STPG2: variants seen among roughly 807,000 people sequenced by gnomAD.
The protein encoded by STPG2 is sperm-tail PG-rich repeat-containing protein 2.
Under a neutral mutation model 54.2 loss-of-function variants are expected in STPG2, and 56 were observed. The observed-to-expected ratio is 1.03, with a 90% CI of 0.83 to 1.29. The LOEUF (loss-of-function observed/expected upper bound fraction) is 1.29. STPG2 is among the 50% of genes most tolerant of loss of function. The pLI, the probability that STPG2 is intolerant of heterozygous loss-of-function variation, is 0.00. For synonymous variants in STPG2, 200 were observed against 181.8 expected (o/e 1.10, Z -0.81); for missense variants, 596 against 544.9 (o/e 1.09, Z -0.93).
intron 7 of STPG2, among the ~76,000 whole-genome samples, chr4:97,965,175 A>T (rs543468718): frequency 6.6e-6 from 1 of 152,326 alleles, no homozygotes; most frequent in Admixed American, 6.5e-5. Context: ...CAACCGACAG[A>T]CCAGGAGATT....
Position 97,595,578 on chromosome 4 carries a change from C to A in STPG2, c.1321-36461G>T, listed in dbSNP as rs373467332. Among the ~76,000 whole-genome samples the A allele has an allele frequency of 5.9e-5, 9 of 151,268 alleles. No individual in the cohort carries two copies. The South Asian group carries it at 1.0e-3, about 18-fold the overall frequency. On this transcript the variant is annotated intron_variant, in intron 10 of 10. Coordinates refer to ENST00000295268, the MANE Select transcript of STPG2 (RefSeq NM_174952.3). ...CAAACCTGCATGTTGTGCACATGTA[C>A]CCTAGAACTTAAAGTATAATAAAAA...
intron 8 of STPG2, among the ~76,000 whole-genome samples, chr4:97,874,196 A>T (rs972554021): frequency 2.6e-5 from 4 of 151,492 alleles, no homozygotes; most frequent in Admixed American, 1.3e-4. Context: ...GTTATTTAAA[A>T]CTCCACTGGA....
intron 10 of STPG2, among the ~76,000 whole-genome samples, chr4:97,635,230 C>A (rs1171076672): frequency 3.9e-5 from 6 of 152,100 alleles, no homozygotes; most frequent in Non-Finnish European, 7.4e-5. Context: ...ATTTCATATC[C>A]AGCCAAACTA....
At chr4:98,068,735 T>C (rs1182993191) in intron 5 of STPG2, among the ~76,000 whole-genome samples, 1 of 152,044 alleles carries the variant, frequency 6.6e-6, no homozygotes, top group Non-Finnish European at 1.5e-5. Flanking sequence ...TTCATCATTG[T>C]GCAAACATCA....
chr4:97,802,763 G>A lies in STPG2; in HGVS notation c.1204+38010C>T, dbSNP rs115024887. On this transcript the variant is annotated intron_variant, in intron 9 of 10. Transcript: ENST00000295268. ...TGGGATTACAAGTGTGAGCCACCGC[G>A]CCCGGCCCTATCAAGTAAATATTAA... Among the ~76,000 whole-genome samples the A allele has an allele frequency of 5.0e-3, 765 of 152,088 alleles. 10 individuals are homozygous for A. The highest frequency in any genetic ancestry group is 0.017 in the African/African-American group (707 of 41,480).
At chr4:97,519,781 G>C (rs1731144922) in intron 4 of STPG2, among the ~76,000 whole-genome samples, 1 of 151,728 alleles carries the variant, frequency 6.6e-6, no homozygotes, top group Admixed American at 6.6e-5. Flanking sequence ...AATGAGGGAA[G>C]ATTAAAAGGG....
chr4:98,022,949 G>A (rs7660198), intron 5 of STPG2, among the ~76,000 whole-genome samples: 11,564 of 152,048 alleles, frequency 0.076, 490 homozygotes, highest in African/African-American at 0.1. Flanking sequence ...TAACTTCTTT[G>A]CCATTGGTTT....
At chr4:97,543,025 A>G (rs1030241391) in intron 4 of STPG2, among the ~76,000 whole-genome samples, 3 of 152,116 alleles carry the variant, frequency 2.0e-5, no homozygotes, top group African/African-American at 7.2e-5. Flanking sequence ...CCTAATGTAA[A>G]TGACGAGTTA....
intron 10 of STPG2, among the ~76,000 whole-genome samples, chr4:97,686,629 G>C (rs1723196478): frequency 6.6e-6 from 1 of 151,968 alleles, no homozygotes; most frequent in Non-Finnish European, 1.5e-5. Flanking sequence ...CCCAATCTTT[G>C]AAACGTGACT....
intron 4 of STPG2, among the ~76,000 whole-genome samples, chr4:97,491,901 G>A (rs994941509): frequency 6.6e-6 from 1 of 151,496 alleles, no homozygotes; most frequent in African/African-American, 2.4e-5. Context: ...ATGGGGCAAT[G>A]ATAATGAAAG....
intron 8 of STPG2, among the ~76,000 whole-genome samples, chr4:97,934,588 G>A (rs535695713): frequency 2.9e-4 from 44 of 152,060 alleles, no homozygotes; most frequent in African/African-American, 4.6e-4. Context: ...GAATTTTATC[G>A]AAGGCCTTTT....
chr4:97,612,450 C>T (rs748049005), intron 10 of STPG2, among the ~76,000 whole-genome samples: 12 of 151,992 alleles, frequency 7.9e-5, no homozygotes, highest in Non-Finnish European at 1.6e-4. Flanking sequence ...AGACGATTGA[C>T]CCTATAATCC....
chr4:97,659,586 A>T (rs1020961481), intron 10 of STPG2, among the ~76,000 whole-genome samples: 7 of 152,214 alleles, frequency 4.6e-5, no homozygotes, highest in African/African-American at 1.7e-4. Flanking sequence ...CTTTTGAAGG[A>T]GTTATTTCAG....
chr4:97,738,599 T>A (rs1032863918), intron 9 of STPG2, among the ~76,000 whole-genome samples: 1 of 151,808 alleles, frequency 6.6e-6, no homozygotes, highest in East Asian at 1.9e-4. Context: ...CCAACAAAGA[T>A]CAAAAGAGAC....
At chr4:97,904,082 C>T (rs905086936) in intron 8 of STPG2, among the ~76,000 whole-genome samples, 1 of 152,218 alleles carries the variant, frequency 6.6e-6, no homozygotes, top group Non-Finnish European at 1.5e-5. Flanking sequence ...AAAGCTCGAA[C>T]TGGGTGGAGC....
intron 8 of STPG2, among the ~76,000 whole-genome samples, chr4:97,864,557 CA>C (rs1047909702): frequency 1.2e-4 from 18 of 152,218 alleles, no homozygotes; most frequent in African/African-American, 4.1e-4. Flanking sequence ...ATCAAGCTAC[CA>C]ATGACTTTCT....
At chr4:97,441,340 C>G (rs534022465) in intron 4 of STPG2, 1 of 152,026 alleles carries the variant, frequency 6.6e-6, no homozygotes, top group South Asian at 2.1e-4. Context: ...TATATACATA[C>G]TGCTTTTGTA....
chr4:97,980,727 G>A (rs1734646861), intron 6 of STPG2, among the ~76,000 whole-genome samples: 1 of 152,000 alleles, frequency 6.6e-6, no homozygotes, highest in Admixed American at 6.6e-5. Context: ...ATTTATTTTG[G>A]TTCTATATTC....
intron 10 of STPG2, among the ~76,000 whole-genome samples, chr4:97,582,487 C>T (rs1429088457): frequency 6.6e-6 from 1 of 151,944 alleles, no homozygotes; most frequent in Non-Finnish European, 1.5e-5. Flanking sequence ...CCTATATATT[C>T]TAATGTTTCT....
Sources: gnomAD v4.1 joint callset for allele counts (sites outside exome capture counted in the v4.1 genomes callset) on GRCh38, gnomAD v4.1.1 for gene constraint, MANE v1.5 for transcripts, NCBI Gene and HGNC (gene_info 2026-07-23, HGNC 2026-07-21) for gene names.